Variants in ESPL1 observed in about 807,000 individuals in gnomAD.
ESPL1 encodes the protein extra spindle pole bodies like 1, separase.
A neutral mutation model predicts 217.2 loss-of-function variants in ESPL1; 50 were observed. That is an observed-to-expected ratio of 0.23 (90% CI 0.18 to 0.29). ESPL1 has a LOEUF of 0.29. Among genes scored for constraint, ESPL1 ranks in the 10% least tolerant of loss-of-function variants. The pLI, the probability that ESPL1 is intolerant of heterozygous loss-of-function variation, is 1.00. For synonymous variants in ESPL1, 994 were observed against 1,081.3 expected (o/e 0.92, Z 1.58); for missense variants, 1,834 against 2,603.0 (o/e 0.70, Z 6.43).
At chr12:53,288,914 G>A (rs1015185374) in intron 20 of ESPL1, 176 bp from the exon 21 acceptor site, 49 of 707,696 alleles carry the variant, frequency 6.9e-5, no homozygotes, top group Admixed American at 4.5e-4. Context: ...GGAGCATGGT[G>A]GAATAAGTTG....
At position 53,292,493 on chromosome 12, in the gene ESPL1, A is replaced by G. The variant is rs1251841307; in HGVS notation, c.5913-81A>G. The G allele has an allele frequency of 1.0e-5, 14 of 1,397,772 alleles. No individual in the cohort carries two copies. Among genetic ancestry groups the G allele is most frequent in the African/African-American group, 1.4e-5 (1 of 70,802 alleles). 86.6% of individuals were successfully genotyped at this position (1,397,772 alleles called of 1,614,324 possible). On this transcript the variant is annotated intron_variant, in intron 28 of 30. Transcript: ENST00000257934. This position sits in a 1 kb window ranked among gnomAD's most constrained non-coding sequence, Gnocchi z 4.5. ...AAACAGCTGTTGCAGCCCACCTTCT[A>G]TCTAATGATCCCTCTGCTGTCTTTG...
chr12:53,287,216 G>A (rs1943964432), intron 18 of ESPL1: 3 of 237,046 alleles, frequency 1.3e-5, no homozygotes, highest in Non-Finnish European at 2.4e-5. Flanking sequence ...GGGACTACAA[G>A]CGCCTGCCAC....
At chr12:53,268,626 T>A (rs1319745053) in intron 1 of ESPL1, 129 bp from the exon 2 acceptor site, 2 of 615,016 alleles carry the variant, frequency 3.3e-6, no homozygotes, top group African/African-American at 3.7e-5. Flanking sequence ...CACGGCGTCC[T>A]GGCGTGGGTT....
At chr12:53,289,629 CTCTTCTGCA>C (rs1944017653) in intron 22 of ESPL1, 35 bp downstream of exon 22, 1 of 1,571,930 alleles carries the variant, frequency 6.4e-7, no homozygotes, top group Admixed American at 1.8e-5. Context: ...CTCCTCTGTC[CTCTTCTGCA>C]TCTTCTTACT....
chr12:53,289,584 G>A lies in ESPL1; in HGVS notation c.5103G>A (p.Leu1701=). 6.2e-7 allele frequency: 1 copy of A among 1,613,472 alleles called. No individual in the cohort carries two copies. Among genetic ancestry groups the A allele is most frequent in the Non-Finnish European group, 8.5e-7 (1 of 1,179,842 alleles). ...AGAGTTTCCAGGAGCGCCTGGCTCT[G>A]ATCCCCAGTGGTATGCGGGCAGCCT... ...EKESFQERLA[L]IPSGVTVCVL... The change falls in exon 22 of 31, where the codon CTG becomes CTA. Residue 1701 remains leucine (L), a synonymous_variant. Transcript: ENST00000257934.
intron 6 of ESPL1, 28 bp from the exon 7 acceptor site, chr12:53,274,789 G>T (rs914838845): frequency 6.3e-7 from 1 of 1,592,850 alleles, no homozygotes; most frequent in Non-Finnish European, 8.6e-7. Context: ...TTCCTCTCCA[G>T]TTTGGTCTGT....
intron 17 of ESPL1, 40 bp downstream of exon 17, chr12:53,284,207 A>G: frequency 5.1e-6 from 6 of 1,166,064 alleles, no homozygotes; most frequent in Non-Finnish European, 7.8e-6. Context: ...CGGTGCTGAA[A>G]TGACACACAC....
intron 7 of ESPL1, 111 bp from the exon 8 acceptor site, chr12:53,276,509 A>T: frequency 1.6e-6 from 2 of 1,234,132 alleles, no homozygotes. Flanking sequence ...TAAAGCCATG[A>T]CTGGAAACCT....
intron 24 of ESPL1, 95 bp from the exon 25 acceptor site, chr12:53,290,746 T>C: frequency 8.4e-7 from 1 of 1,192,274 alleles, no homozygotes; most frequent in African/African-American, 1.5e-5. Flanking sequence ...GACATGCACA[T>C]TGGAAAACGC....
Position 53,281,564 on chromosome 12 carries a change from T to A in ESPL1, c.2557T>A (p.Tyr853Asn). 1 of 1,613,756 alleles carries A rather than the reference T, an allele frequency of 6.2e-7. No individual in the cohort carries two copies. Among genetic ancestry groups the A allele is most frequent in the Non-Finnish European group, 8.5e-7 (1 of 1,179,638 alleles). ...LKHLDQTTDT[Y>N]LLLSLTCDLL... ...GCATCTCGATCAGACTACTGACACA[T>A]ACCTGCTCCTTTCCCTGACCTGTGA... The change falls in exon 13 of 31, where the codon TAC becomes AAC. Residue 853 changes from tyrosine to asparagine, a missense_variant. Coordinates refer to ENST00000257934, the MANE Select transcript of ESPL1 (RefSeq NM_012291.5).
chr12:53,286,030 G>A lies in ESPL1; in HGVS notation c.3294G>A (p.Glu1098=). 1 of 1,607,144 alleles carries A rather than the reference G, an allele frequency of 6.2e-7. No homozygotes were observed. Among genetic ancestry groups the A allele is most frequent in the Non-Finnish European group, 8.5e-7 (1 of 1,174,140 alleles). The change falls in exon 18 of 31, where the codon GAG becomes GAA. Residue 1098 remains glutamate (E), a synonymous_variant. Coordinates refer to ENST00000257934, the MANE Select transcript of ESPL1 (RefSeq NM_012291.5). The surrounding 1 kb of genome is among the most constrained non-coding windows in gnomAD (Gnocchi z 5.3). ...VPCPPQLPEE[E]LFLRGPALEL... ...GTCCTCCACAGCTCCCAGAGGAGGA[G>A]CTCTTCCTAAGAGGCCCTGCTCTAG...
In ESPL1 at chr12:53,289,162, G is replaced by A. The variant is rs1373394730; in HGVS notation, c.4781G>A (p.Ser1594Asn). Reference sequence around the variant, plus strand: ...CGGGGCATTAGTCACTGTCCTCCTAGTGGGCTCTATGCCCACCTCTGCCGC... The same window carrying A: ...CGGGGCATTAGTCACTGTCCTCCTAATGGGCTCTATGCCCACCTCTGCCGC... Reference protein sequence around the residue: ...AFRGISHCPPSGLYAHLCRFL... With the variant: ...AFRGISHCPPNGLYAHLCRFL... Residue 1594 changes from serine to asparagine, a missense_variant, in exon 21 of 31, where the codon AGT becomes AAT. By Grantham distance (46) the Ser-to-Asn change is conservative. Around this residue, in one of 5 missense-constraint regions of ESPL1, gnomAD observed 681 missense variants for 808.0 expected, o/e 0.84. Coordinates refer to ENST00000257934, the MANE Select transcript of ESPL1 (RefSeq NM_012291.5). The A allele has an allele frequency of 1.2e-6, 2 of 1,614,172 alleles. No individual in the cohort carries two copies. The highest frequency in any genetic ancestry group is 1.7e-5 in the Admixed American group (1 of 60,022).
At chr12:53,274,774 A>G (rs750786661) in intron 6 of ESPL1, 43 bp from the exon 7 acceptor site, 1 of 1,517,556 alleles carries the variant, frequency 6.6e-7, no homozygotes, top group South Asian at 1.1e-5. Flanking sequence ...ATACACACTC[A>G]CTGGTTCCTC....
At chr12:53,272,909 G>A (rs1271303263) in intron 6 of ESPL1, 52 bp downstream of exon 6, 4 of 1,599,384 alleles carry the variant, frequency 2.5e-6, no homozygotes, top group Admixed American at 1.7e-5. Flanking sequence ...TGGGGAGCGG[G>A]GGGAGCGGGG....
Position 53,284,080 on chromosome 12 carries a change from A to G in ESPL1, c.3100A>G (p.Lys1034Glu). 1 of 1,613,580 alleles carries G rather than the reference A, an allele frequency of 6.2e-7. No homozygotes were observed. Among genetic ancestry groups the G allele is most frequent in the Non-Finnish European group, 8.5e-7 (1 of 1,179,538 alleles). ...AAGGTGTGCCCTGTTCCTGGTGCTGAAGGGCGAGCTGGAGCTGGCCCGCAA... is the reference window on the plus strand; with the variant it reads ...AAGGTGTGCCCTGTTCCTGGTGCTGGAGGGCGAGCTGGAGCTGGCCCGCAA... The part of the protein sequence containing the change: ...PRQCALFLVL[K>E]GELELARNDI... The change falls in exon 17 of 31, where the codon AAG (lysine) becomes GAG (glutamate). Residue 1034 changes from lysine (K) to glutamate (E), a missense_variant. Coordinates refer to ENST00000257934, the MANE Select transcript of ESPL1 (RefSeq NM_012291.5).
chr12:53,282,520 C>A lies in ESPL1; in HGVS notation c.2791+85C>A. 1.5e-6 allele frequency: 2 copies of A among 1,297,984 alleles called. No homozygotes were observed. The highest frequency in any genetic ancestry group is 3.9e-5 in the Admixed American group (2 of 50,780). 80.4% of individuals were successfully genotyped at this position (1,297,984 alleles called of 1,614,324 possible). ...CTCTTCTCAAACCTCATCCCCTCTGCTGGCTAACTATGTGGCCCAGCCTAC... is the reference window on the plus strand; with the variant it reads ...CTCTTCTCAAACCTCATCCCCTCTGATGGCTAACTATGTGGCCCAGCCTAC... On this transcript the variant is annotated intron_variant, in intron 14 of 30. Transcript: ENST00000257934. The surrounding 1 kb of genome is among the most constrained non-coding windows in gnomAD (Gnocchi z 4.0).
At chr12:53,277,751 T>C in intron 10 of ESPL1, 70 bp from the exon 11 acceptor site, 1 of 1,591,268 alleles carries the variant, frequency 6.3e-7, no homozygotes, top group Non-Finnish European at 8.6e-7. Flanking sequence ...CAGAGGATGT[T>C]ATGGAGGAAG....
chr12:53,289,067 C>T, intron 20 of ESPL1, 23 bp from the exon 21 acceptor site: 1 of 1,565,286 alleles, frequency 6.4e-7, no homozygotes, highest in Non-Finnish European at 8.8e-7. Context: ...TCAGCTGTAC[C>T]AAGTGTCCTG....
Position 53,274,832 on chromosome 12 carries a change from C to A in ESPL1, c.1522C>A (p.Arg508=), listed in dbSNP as rs1449748269. The A allele has an allele frequency of 6.2e-6, 10 of 1,613,766 alleles. No homozygotes were observed. Among genetic ancestry groups the A allele is most frequent in the Non-Finnish European group, 8.5e-6 (10 of 1,179,898 alleles). ...CTCTGGTCAGTTGCACAGGTGCTTC[C>A]GGCTACAAGTAGAGAGTTTGAAGAA... is the stretch of plus-strand genomic sequence containing the variant. ...VPPEKLHRCF[R]LQVESLKKLG... is the part of the protein sequence containing the mutation. Residue 508 remains arginine, a synonymous_variant, in exon 7 of 31, where the codon CGG becomes AGG. Coordinates refer to ENST00000257934, the MANE Select transcript of ESPL1 (RefSeq NM_012291.5).
Sources: gnomAD v4.1 joint callset for allele counts on GRCh38, gnomAD v4.1.1 for gene constraint, gnomAD v4.1.1 regional missense constraint, Gnocchi (gnomAD v3.1) non-coding constraint, MANE v1.5 for transcripts, NCBI Gene and HGNC (gene_info 2026-07-23, HGNC 2026-07-21) for gene names.